The following SOS2 variants were observed in gnomAD, a reference collection of about 807,000 sequenced individuals.
The protein encoded by SOS2 is SOS Ras/Rho guanine nucleotide exchange factor 2.
A neutral mutation model predicts 148.2 loss-of-function variants in SOS2; 65 were observed. That is an observed-to-expected ratio of 0.44 (90% CI 0.36 to 0.54). The LOEUF (loss-of-function observed/expected upper bound fraction) is 0.54, where lower values mean the gene tolerates loss of function less well. Ranked by LOEUF, SOS2 falls within the 20% of genes least tolerant of loss-of-function variation. SOS2 has a pLI of 0.00. For missense variants in SOS2, 1,341 were observed against 1,590.2 expected, an observed-to-expected ratio of 0.84 and a Z score of 2.67; for synonymous variants, 539 against 537.1, an observed-to-expected ratio of 1.00 and a Z score of -0.05.
At chr14:50,138,424 G>T (rs565256964) in intron 18 of SOS2, among the ~76,000 whole-genome samples, 188 bp downstream of exon 18, 2 of 152,106 alleles carry the variant, frequency 1.3e-5, no homozygotes, top group Non-Finnish European at 2.9e-5. Context: ...GCCTCCCAAA[G>T]TGCTGGGATT....
At chr14:50,133,988 G>A in intron 19 of SOS2, 135 bp downstream of exon 19, 1 of 653,288 alleles carries the variant, frequency 1.5e-6, no homozygotes. Context: ...CCCAGTTTTA[G>A]AAATAGTATA....
At chr14:50,183,680 G>T (rs1352661333) in intron 5 of SOS2, among the ~76,000 whole-genome samples, 1 of 152,194 alleles carries the variant, frequency 6.6e-6, no homozygotes, top group Non-Finnish European at 1.5e-5. Context: ...CAGAGCCCTA[G>T]GTTTTACTTA....
intron 5 of SOS2, among the ~76,000 whole-genome samples, chr14:50,183,324 T>C (rs1885803232): frequency 6.6e-6 from 1 of 152,160 alleles, no homozygotes; most frequent in East Asian, 1.9e-4. Context: ...AATCATACTG[T>C]GTATTCTTTT....
At chr14:50,200,237 G>A (rs953957767) in intron 3 of SOS2, among the ~76,000 whole-genome samples, 9 of 152,062 alleles carry the variant, frequency 5.9e-5, no homozygotes, top group Non-Finnish European at 1.0e-4. Flanking sequence ...TTTCTACTGA[G>A]GGGAGGTATG....
rs59325250 is a variant in SOS2, at chr14:50,119,803, C to CTTT, written c.3489+469_3489+471dup. On this transcript the variant is annotated intron_variant, in intron 22 of 22. Coordinates refer to ENST00000216373, the MANE Select transcript of SOS2 (RefSeq NM_006939.4). ...TGCCTGCCTCAGCCTCCCAACCAGC[C>CTTT]TTTTTTTTTTTTTTTTTTTTTTTTG... Among the ~76,000 whole-genome samples the CTTT allele has an allele frequency of 4.4e-3, 300 of 68,482 alleles. 6 individuals carry two copies. The highest frequency in any genetic ancestry group is 6.3e-3 in the African/African-American group (100 of 15,798). The allele number at this position is 68,482 out of a possible 152,430, so 44.9% of individuals were successfully genotyped here.
At chr14:50,153,006 C>A in intron 13 of SOS2, 64 bp downstream of exon 13, 3 of 764,684 alleles carry the variant, frequency 3.9e-6, no homozygotes, top group South Asian at 2.0e-5. Flanking sequence ...TTCTTAAAGT[C>A]ACACAAATTT....
intron 1 of SOS2, among the ~76,000 whole-genome samples, chr14:50,224,092 G>A (rs541368789): frequency 5.9e-5 from 9 of 151,630 alleles, no homozygotes; most frequent in Admixed American, 5.9e-4. Flanking sequence ...AGGCCAGCCT[G>A]GCCAACATGG....
At chr14:50,142,901 G>A (rs547618871) in intron 16 of SOS2, among the ~76,000 whole-genome samples, 31 of 152,172 alleles carry the variant, frequency 2.0e-4, no homozygotes, top group Middle Eastern at 3.4e-3. Context: ...TTGTAAAAAC[G>A]CACATTCCCA....
At chr14:50,120,130 A>G in intron 22 of SOS2, 145 bp downstream of exon 22, 2 of 575,776 alleles carry the variant, frequency 3.5e-6, no homozygotes, top group East Asian at 6.2e-5. Flanking sequence ...TTAAACAACT[A>G]AAAGTATTTT....
chr14:50,122,391 C>CTTT (rs71118839), intron 21 of SOS2, among the ~76,000 whole-genome samples: 23,511 of 88,186 alleles, frequency 0.27, 4,243 homozygotes, highest in Admixed American at 0.36. Flanking sequence ...GAACCCTGGG[C>CTTT]TTTTTTTTTT....
intron 7 of SOS2, among the ~76,000 whole-genome samples, chr14:50,177,686 GAAGTAATTTTGAGAATT>G (rs1382042815): frequency 6.6e-6 from 1 of 152,000 alleles, no homozygotes; most frequent in African/African-American, 2.4e-5. Flanking sequence ...TTCCTCTCTT[GAAGTAATTTTGAGAATT>G]AAGTATAATT....
chr14:50,160,340 CATTT>C (rs1189878458), intron 9 of SOS2, among the ~76,000 whole-genome samples: 1 of 139,622 alleles, frequency 7.2e-6, no homozygotes, highest in Admixed American at 7.2e-5. Context: ...TATTTTTAAA[CATTT>C]ATTAAGTCTA....
intron 18 of SOS2, among the ~76,000 whole-genome samples, chr14:50,136,708 G>C (rs1884092553): frequency 6.6e-6 from 1 of 151,546 alleles, no homozygotes; most frequent in Non-Finnish European, 1.5e-5. Flanking sequence ...TCCCACCTCA[G>C]CCTCCTGAGT....
intron 1 of SOS2, chr14:50,215,230 T>A (rs1887011483): frequency 1.6e-5 from 6 of 386,606 alleles, no homozygotes; most frequent in Middle Eastern, 7.2e-4. Context: ...CTAACTGGGA[T>A]GGATTCTTTT....
intron 1 of SOS2, among the ~76,000 whole-genome samples, chr14:50,228,211 T>A (rs1887438365): frequency 6.6e-6 from 1 of 151,816 alleles, no homozygotes; most frequent in African/African-American, 2.4e-5. Flanking sequence ...CCAGCTAATT[T>A]TTGGTATTTT....
chr14:50,210,777 T>C lies in SOS2; in HGVS notation c.88-6368A>G, dbSNP rs369265019. Among the ~76,000 whole-genome samples, 11 of 151,954 alleles carry C rather than the reference T, an allele frequency of 7.2e-5. No individual in the cohort carries two copies. In the East Asian group the frequency reaches 1.9e-3, roughly 27 times the overall value. On this transcript the variant is annotated intron_variant, in intron 1 of 22. Transcript: ENST00000216373. ...CAAAAGAATAAATTCAAATAGCCTATATATATATTAAAAAGTGCTCTAGCT... is the reference window on the plus strand; with the variant it reads ...CAAAAGAATAAATTCAAATAGCCTACATATATATTAAAAAGTGCTCTAGCT...
In SOS2 at chr14:50,197,689, C is replaced by CTTTTTTTTTTTT. The variant is rs35121759; in HGVS notation, c.510+1990_510+2001dup. On this transcript the variant is annotated intron_variant, in intron 4 of 22. Transcript: ENST00000216373. ...TCTTGAATAAAGTCAGCTTTACCAC[C>CTTTTTTTTTTTT]TTTTTTTTTTTTTTTTTTTGAAACA... 4.0e-5 allele frequency among the ~76,000 whole-genome samples: 5 copies of CTTTTTTTTTTTT among 125,852 alleles called. 2 individuals carry two copies. The highest frequency in any genetic ancestry group is 6.0e-5 in the African/African-American group (2 of 33,608). The allele number at this position is 125,852 out of a possible 152,430, so 82.6% of individuals were successfully genotyped here. A position where few individuals can be genotyped will look rare whatever the true frequency, so the allele number is the denominator to read the frequency against.
chr14:50,142,632 A>G (rs1379031288), intron 16 of SOS2, among the ~76,000 whole-genome samples: 1 of 152,212 alleles, frequency 6.6e-6, no homozygotes, highest in Non-Finnish European at 1.5e-5. Context: ...ACAACAATAC[A>G]CATAGATCCC....
chr14:50,167,288 A>G (rs1261577878), intron 8 of SOS2, among the ~76,000 whole-genome samples: 1 of 152,046 alleles, frequency 6.6e-6, no homozygotes, highest in Non-Finnish European at 1.5e-5. Flanking sequence ...CAAGCTCTTT[A>G]TGTTATGAAT....
Sources: allele counts gnomAD v4.1 joint callset (sites outside exome capture counted in the v4.1 genomes callset), GRCh38; gene constraint gnomAD v4.1.1; transcripts MANE v1.5; gene names NCBI Gene and HGNC (gene_info 2026-07-23, HGNC 2026-07-21).